Variants in GRM8 observed in about 807,000 individuals in gnomAD.
GRM8 encodes metabotropic glutamate receptor 8.
A neutral mutation model predicts 87.2 loss-of-function variants in GRM8; 47 were observed. The ratio of observed to expected loss-of-function variants is 0.54; its 90% CI spans 0.43 to 0.69. The LOEUF is 0.69. Among genes scored for constraint, GRM8 ranks in the 30% least tolerant of loss-of-function variants. The pLI, the probability that GRM8 is intolerant of heterozygous loss-of-function variation, is 0.00. For synonymous variants in GRM8, 396 were observed against 404.5 expected (o/e 0.98, Z 0.25); for missense variants, 1,019 against 1,139.2 (o/e 0.89, Z 1.52).
At chr7:126,830,828 G>C (rs1795293651) in intron 6 of GRM8, among the ~76,000 whole-genome samples, 1 of 152,128 alleles carries the variant, frequency 6.6e-6, no homozygotes, top group Non-Finnish European at 1.5e-5. Flanking sequence ...CCCCATCTTT[G>C]TGGTTTTATC....
intron 2 of GRM8, among the ~76,000 whole-genome samples, chr7:127,205,311 A>G (rs1330555778): frequency 2.0e-5 from 3 of 152,232 alleles, no homozygotes; most frequent in African/African-American, 7.2e-5. Flanking sequence ...ACTTTCATTC[A>G]AGGCGGTGAG....
At chr7:126,653,797 C>G (rs1042519358) in intron 7 of GRM8, among the ~76,000 whole-genome samples, 6 of 152,192 alleles carry the variant, frequency 3.9e-5, no homozygotes, top group Non-Finnish European at 8.8e-5. Context: ...CATCAAAGAG[C>G]AAACTATATT....
intron 2 of GRM8, among the ~76,000 whole-genome samples, chr7:127,173,114 A>C (rs1264143594): frequency 6.6e-6 from 1 of 152,246 alleles, no homozygotes; most frequent in Non-Finnish European, 1.5e-5. Context: ...ATATTATTTC[A>C]TGCCGTCTGG....
At chr7:126,748,316 A>C (rs1463912537) in intron 7 of GRM8, among the ~76,000 whole-genome samples, 1 of 152,178 alleles carries the variant, frequency 6.6e-6, no homozygotes, top group Non-Finnish European at 1.5e-5. Flanking sequence ...ATTGCTGGAC[A>C]CAAAGTGAAC....
At chr7:127,006,621 T>C (rs1814336246) in intron 3 of GRM8, among the ~76,000 whole-genome samples, 1 of 152,186 alleles carries the variant, frequency 6.6e-6, no homozygotes, top group Middle Eastern at 3.4e-3. Context: ...AATAGCATTG[T>C]TGTCAAACAC....
At chr7:126,530,178 A>G (rs774134612) in intron 9 of GRM8, among the ~76,000 whole-genome samples, 1 of 152,224 alleles carries the variant, frequency 6.6e-6, no homozygotes, top group Admixed American at 6.5e-5. Context: ...AAACTTTTCA[A>G]CTAAGTTTAG....
At chr7:126,473,818 A>G (rs1360850581) in intron 9 of GRM8, among the ~76,000 whole-genome samples, 2 of 151,998 alleles carry the variant, frequency 1.3e-5, no homozygotes, top group African/African-American at 4.8e-5. Context: ...CATGGTAGTG[A>G]ATATGTCTCA....
chr7:126,831,552 A>C (rs1203240965), intron 6 of GRM8, among the ~76,000 whole-genome samples: 2 of 152,210 alleles, frequency 1.3e-5, no homozygotes, highest in Non-Finnish European at 2.9e-5. Flanking sequence ...AGCCCATCGG[A>C]AAAGTCCAGT....
At chr7:127,102,871 C>T (rs1367098954) in intron 3 of GRM8, among the ~76,000 whole-genome samples, 8 of 152,148 alleles carry the variant, frequency 5.3e-5, no homozygotes, top group Non-Finnish European at 1.0e-4. Context: ...ATCCTCCAGA[C>T]TCCAGAATAG....
At chr7:126,648,694 C>T (rs1269114006) in intron 7 of GRM8, among the ~76,000 whole-genome samples, 1 of 152,236 alleles carries the variant, frequency 6.6e-6, no homozygotes, top group Admixed American at 6.5e-5. Context: ...TAGATACCAA[C>T]AAGTTGCATA....
chr7:127,014,444 C>A (rs1815201690), intron 3 of GRM8, among the ~76,000 whole-genome samples: 1 of 152,114 alleles, frequency 6.6e-6, no homozygotes. Context: ...AGTAGGTTAG[C>A]AGCACGGCCT....
At chr7:126,763,958 T>A (rs2151586236) in intron 7 of GRM8, among the ~76,000 whole-genome samples, 1 of 151,950 alleles carries the variant, frequency 6.6e-6, no homozygotes, top group South Asian at 2.1e-4. Context: ...CAGGTTCAAT[T>A]TATTCCAAAA....
At chr7:126,668,868 G>T (rs1437609014) in intron 7 of GRM8, among the ~76,000 whole-genome samples, 1 of 152,086 alleles carries the variant, frequency 6.6e-6, no homozygotes, top group Non-Finnish European at 1.5e-5. Flanking sequence ...TCTGTCAAAA[G>T]AGCTCTAATT....
intron 3 of GRM8, among the ~76,000 whole-genome samples, chr7:126,954,189 C>T (rs993123346): frequency 7.9e-5 from 12 of 152,242 alleles, no homozygotes; most frequent in Middle Eastern, 3.4e-3. Flanking sequence ...GAGACACACA[C>T]CCTTAGAAAT....
At chr7:127,072,861 G>T (rs534415111) in intron 3 of GRM8, among the ~76,000 whole-genome samples, 1 of 151,878 alleles carries the variant, frequency 6.6e-6, no homozygotes, top group Non-Finnish European at 1.5e-5. Context: ...GCAAGATAAG[G>T]TCAGACACTG....
At chr7:127,200,255 G>A (rs549604598) in intron 2 of GRM8, among the ~76,000 whole-genome samples, 3 of 152,228 alleles carry the variant, frequency 2.0e-5, no homozygotes, top group Admixed American at 2.0e-4. Flanking sequence ...CCCCAGCTCT[G>A]AGTTCATCCC....
intron 3 of GRM8, among the ~76,000 whole-genome samples, chr7:126,955,551 A>G (rs1808589901): frequency 6.6e-6 from 1 of 152,240 alleles, no homozygotes; most frequent in Non-Finnish European, 1.5e-5. Context: ...GCAAGGGTCA[A>G]CATAAATGAT....
chr7:126,975,173 G>T (rs1810862982), intron 3 of GRM8, among the ~76,000 whole-genome samples: 1 of 152,070 alleles, frequency 6.6e-6, no homozygotes, highest in African/African-American at 2.4e-5. Context: ...AAACTTAGAA[G>T]AAGACTTCTC....
chr7:126,439,632 T>C (rs913918126), intron 10 of GRM8, among the ~76,000 whole-genome samples: 10 of 152,152 alleles, frequency 6.6e-5, no homozygotes, highest in African/African-American at 9.6e-5. Flanking sequence ...AGTAGACTTC[T>C]TCTACTTATA....
Sources: gnomAD v4.1 joint callset for allele counts (sites outside exome capture counted in the v4.1 genomes callset) on GRCh38, gnomAD v4.1.1 for gene constraint, MANE v1.5 for transcripts, NCBI Gene and HGNC (gene_info 2026-07-23, HGNC 2026-07-21) for gene names.